The following PHF5A variants were observed in gnomAD, a reference collection of about 807,000 sequenced individuals.
The protein encoded by PHF5A is PHD finger-like domain-containing protein 5A.
For synonymous variants in PHF5A, 52 were observed against 46.0 expected (o/e 1.13, Z -0.52); for missense variants, 24 against 140.6 (o/e 0.17, Z 4.19).
At chr22:41,464,115 C>A (rs1312560328) in intron 3 of PHF5A, among the ~76,000 whole-genome samples, 1 of 152,082 alleles carries the variant, frequency 6.6e-6, no homozygotes, top group Non-Finnish European at 1.5e-5. Context: ...GTTGGGCGAA[C>A]TGAGGAAAAT....
intron 2 of PHF5A, chr22:41,467,914 C>T (rs2037883675): frequency 6.4e-6 from 4 of 621,084 alleles, no homozygotes; most frequent in Non-Finnish European, 1.1e-5. Flanking sequence ...GCTACTCTGG[C>T]GATTCTTCCC....
intron 2 of PHF5A, among the ~76,000 whole-genome samples, chr22:41,467,864 A>G (rs2037883109): frequency 6.6e-6 from 1 of 152,232 alleles, no homozygotes; most frequent in Non-Finnish European, 1.5e-5. Context: ...ATAAGCCTGT[A>G]TAATTGCTGG....
chr22:41,460,524 G>C, intron 3 of PHF5A, 37 bp from the exon 4 acceptor site: 1 of 1,528,058 alleles, frequency 6.5e-7, no homozygotes, highest in Non-Finnish European at 9.0e-7. Flanking sequence ...AAGTCTTTGA[G>C]CCTGAACCAA....
intron 1 of PHF5A, 101 bp from the exon 2 acceptor site, chr22:41,468,248 G>T: frequency 1.7e-6 from 2 of 1,148,028 alleles, no homozygotes; most frequent in Non-Finnish European, 2.6e-6. Flanking sequence ...AGTAAGGACT[G>T]CAGTGAGTGA....
rs1474201888 is a variant in PHF5A, at chr22:41,460,066, C to G, written c.*332G>C. ...CACAGTCAGTTCCTCAAGCAGAAGA[C>G]TAAAATATTATTTCTTTTTAGAAGA... On this transcript the variant is annotated 3_prime_UTR_variant, in exon 4 of 4. Coordinates refer to ENST00000216252, the MANE Select transcript of PHF5A (RefSeq NM_032758.4). 6.1e-6 allele frequency: 1 copy of G among 163,204 alleles called. No homozygotes were observed. Among genetic ancestry groups the G allele is most frequent in the Non-Finnish European group, 1.3e-5 (1 of 75,840 alleles). The allele number at this position is 163,204 out of a possible 1,614,324, so 10.1% of individuals were successfully genotyped here.
chr22:41,467,414 G>A (rs758906201), intron 3 of PHF5A, 34 bp downstream of exon 3: 2 of 1,605,612 alleles, frequency 1.2e-6, no homozygotes, highest in Non-Finnish European at 1.7e-6. Flanking sequence ...CTAAACAAAA[G>A]GAGGAAAGGT....
At chr22:41,468,287 A>G in intron 1 of PHF5A, 140 bp from the exon 2 acceptor site, 1 of 777,986 alleles carries the variant, frequency 1.3e-6, no homozygotes. Flanking sequence ...TTATCATTAC[A>G]AATTTCCATA....
At chr22:41,467,346 A>T in intron 3 of PHF5A, 102 bp downstream of exon 3, 1 of 1,123,838 alleles carries the variant, frequency 8.9e-7, no homozygotes, top group Non-Finnish European at 1.3e-6. Context: ...CTAGATGACT[A>T]GATGAACACA....
At chr22:41,468,489 C>G in intron 1 of PHF5A, 113 bp downstream of exon 1, 1 of 1,236,542 alleles carries the variant, frequency 8.1e-7, no homozygotes, top group South Asian at 1.3e-5. Context: ...GCCTGAGAGG[C>G]GGGAAACGTG....
chr22:41,465,971 AG>A (rs1332226359), intron 3 of PHF5A, among the ~76,000 whole-genome samples: 3 of 152,228 alleles, frequency 2.0e-5, no homozygotes, highest in African/African-American at 7.2e-5. Context: ...GGCTTGTCAG[AG>A]GAACTACAAA....
intron 3 of PHF5A, among the ~76,000 whole-genome samples, chr22:41,463,283 A>T (rs191368457): frequency 6.6e-6 from 1 of 152,216 alleles, no homozygotes; most frequent in East Asian, 1.9e-4. Context: ...GAAAAAAAAA[A>T]TAAAAGGTTA....
At chr22:41,466,817 C>A (rs1014667294) in intron 3 of PHF5A, among the ~76,000 whole-genome samples, 20 of 151,828 alleles carry the variant, frequency 1.3e-4, no homozygotes, top group African/African-American at 3.9e-4. Flanking sequence ...AAAACAAGAC[C>A]CTGTCTCTAC....
intron 3 of PHF5A, among the ~76,000 whole-genome samples, chr22:41,463,770 TG>T (rs1330872024): frequency 6.9e-6 from 1 of 145,308 alleles, no homozygotes; most frequent in African/African-American, 2.6e-5. Flanking sequence ...GGCATGTGCC[TG>T]TAATCCCAGC....
At chr22:41,466,245 G>GA (rs1365748634) in intron 3 of PHF5A, among the ~76,000 whole-genome samples, 1 of 151,930 alleles carries the variant, frequency 6.6e-6, no homozygotes, top group Non-Finnish European at 1.5e-5. Context: ...AATACTAACC[G>GA]AAAAAAATGG....
rs1464346625 is a variant in PHF5A, at chr22:41,468,686, G to T, written c.-33C>A. Reference sequence around the variant, plus strand: ...AACTAAGCCGGCCACCGGAAGCTTCGGGAACTTCCGTCCGACCTTTAACCC... The same window carrying T: ...AACTAAGCCGGCCACCGGAAGCTTCTGGAACTTCCGTCCGACCTTTAACCC... On this transcript the variant is annotated 5_prime_UTR_variant, in exon 1 of 4. Transcript: ENST00000216252. The T allele has an allele frequency of 6.2e-7, 1 of 1,606,486 alleles. No homozygotes were observed. The highest frequency in any genetic ancestry group is 1.1e-5 in the South Asian group (1 of 90,920).
At position 41,460,356 on chromosome 22, in the gene PHF5A, G is replaced by T; in HGVS notation, c.*42C>A. 6.7e-7 allele frequency: 1 copy of T among 1,493,188 alleles called. No individual in the cohort carries two copies. The highest frequency in any genetic ancestry group is 1.4e-5 in the African/African-American group (1 of 72,516). The allele number at this position is 1,493,188 out of a possible 1,614,324, so 92.5% of individuals were successfully genotyped here. A position where few individuals can be genotyped will look rare whatever the true frequency, so the allele number is the denominator to read the frequency against. ...GTAGTAGGCATGTTTTCTGGCAGCT[G>T]CAGCAGACTGATGTTGGGGGGAGGA... On this transcript the variant is annotated 3_prime_UTR_variant, in exon 4 of 4. Coordinates refer to ENST00000216252, the MANE Select transcript of PHF5A (RefSeq NM_032758.4).
intron 3 of PHF5A, among the ~76,000 whole-genome samples, chr22:41,466,855 G>A (rs1341762953): frequency 2.0e-5 from 3 of 151,972 alleles, no homozygotes; most frequent in African/African-American, 4.8e-5. Context: ...GTATGGTGGC[G>A]CATGCCTGTA....
chr22:41,468,533 G>T (rs2037894697), intron 1 of PHF5A, 69 bp downstream of exon 1: 2 of 1,549,654 alleles, frequency 1.3e-6, no homozygotes, highest in Admixed American at 1.7e-5. Flanking sequence ...GGAAGAGACG[G>T]GAACCCCCGA....
At position 41,460,416 on chromosome 22, in the gene PHF5A, G is replaced by A. The variant is rs758707885; in HGVS notation, c.315C>T (p.Tyr105=). The change falls in exon 4 of 4, where the codon TAC becomes TAT. Residue 105 remains tyrosine, a synonymous_variant. Coordinates refer to ENST00000216252, the MANE Select transcript of PHF5A (RefSeq NM_032758.4). ...KTDLFYERKK[Y]GFKKR Reference sequence around the variant, plus strand: ...CCACCAATCACCTCTTCTTGAAGCCGTATTTTTTGCGTTCATAGAAGAGGT... The same window carrying A: ...CCACCAATCACCTCTTCTTGAAGCCATATTTTTTGCGTTCATAGAAGAGGT... 38 of 1,600,496 alleles carry A rather than the reference G, an allele frequency of 2.4e-5. No homozygotes were observed. In the East Asian group the frequency reaches 2.7e-4, roughly 11 times the overall value.
Sources: allele counts gnomAD v4.1 joint callset (sites outside exome capture counted in the v4.1 genomes callset), GRCh38; gene constraint gnomAD v4.1.1; transcripts MANE v1.5; gene names NCBI Gene and HGNC (gene_info 2026-07-23, HGNC 2026-07-21).